PLXNA4: variants seen among roughly 807,000 people sequenced by gnomAD.
The protein encoded by PLXNA4 is plexin-A4.
In PLXNA4, 44 loss-of-function variants were observed where a neutral mutation model predicts 191.8. The observed-to-expected ratio is 0.23, with a 90% CI of 0.18 to 0.29. The LOEUF is 0.29. Among genes scored for constraint, PLXNA4 ranks in the 10% least tolerant of loss-of-function variants. The pLI is 1.00. For synonymous variants in PLXNA4, 1,082 were observed against 1,009.5 expected, an observed-to-expected ratio of 1.07 and a Z score of -1.36; for missense variants, 1,800 against 2,488.8, an observed-to-expected ratio of 0.72 and a Z score of 5.89.
intron 2 of PLXNA4, among the ~76,000 whole-genome samples, chr7:132,640,741 T>G (rs1803724810): frequency 6.6e-6 from 1 of 151,544 alleles, no homozygotes; most frequent in Admixed American, 6.6e-5. Flanking sequence ...AGGACACTAT[T>G]GACCTTGTGA....
intron 3 of PLXNA4, among the ~76,000 whole-genome samples, chr7:132,486,668 C>T (rs1329560396): frequency 6.6e-6 from 1 of 152,248 alleles, no homozygotes; most frequent in Non-Finnish European, 1.5e-5. Flanking sequence ...CCTCACCAGC[C>T]CCACCACTGC....
chr7:132,305,560 G>A (rs1198834507), intron 3 of PLXNA4, among the ~76,000 whole-genome samples: 12 of 152,190 alleles, frequency 7.9e-5, no homozygotes, highest in Admixed American at 7.9e-4. Flanking sequence ...GGCACGGTGA[G>A]TCTCCGCACT....
chr7:132,153,758 A>G (rs1795712535), intron 25 of PLXNA4, among the ~76,000 whole-genome samples: 1 of 152,196 alleles, frequency 6.6e-6, no homozygotes, highest in African/African-American at 2.4e-5. Flanking sequence ...AACTCTCCCC[A>G]GGGTGCACAG....
chr7:132,446,575 G>A (rs1346169), intron 3 of PLXNA4, among the ~76,000 whole-genome samples: 105,167 of 152,146 alleles, frequency 0.69, 42,235 homozygotes, highest in Non-Finnish European at 0.89. Flanking sequence ...CTGCCTCCTC[G>A]AAGAGAAGTG....
chr7:132,203,997 G>A (rs1225055480), intron 10 of PLXNA4, among the ~76,000 whole-genome samples: 4 of 152,164 alleles, frequency 2.6e-5, no homozygotes, highest in Non-Finnish European at 5.9e-5. Context: ...ATGAGAGGCT[G>A]GGGGTTAAGA....
chr7:132,299,106 A>G (rs901333711), intron 3 of PLXNA4, among the ~76,000 whole-genome samples: 64 of 152,218 alleles, frequency 4.2e-4, no homozygotes, highest in African/African-American at 1.5e-3. Context: ...TAGATCCAAC[A>G]TGACCGCTGC....
intron 31 of PLXNA4, 27 bp from the exon 32 acceptor site, chr7:132,130,601 T>G: frequency 1.9e-6 from 3 of 1,613,878 alleles, no homozygotes; most frequent in Non-Finnish European, 2.5e-6. Context: ...AACAGGGAGA[T>G]TACTCATTTG....
intron 3 of PLXNA4, among the ~76,000 whole-genome samples, chr7:132,453,227 G>A (rs561365967): frequency 2.6e-5 from 4 of 152,172 alleles, no homozygotes; most frequent in Non-Finnish European, 5.9e-5. Flanking sequence ...CAAGAAGAGA[G>A]AGAAGTCAGA....
intron 1 of PLXNA4, among the ~76,000 whole-genome samples, chr7:132,521,214 G>A (rs893352074): frequency 2.3e-4 from 34 of 149,028 alleles, no homozygotes; most frequent in Admixed American, 1.3e-3. Flanking sequence ...TCAGAATGAC[G>A]GCAACAAAGT....
At chr7:132,451,290 C>A (rs1796113545) in intron 3 of PLXNA4, among the ~76,000 whole-genome samples, 1 of 152,152 alleles carries the variant, frequency 6.6e-6, no homozygotes, top group South Asian at 2.1e-4. Flanking sequence ...CTGATGTCTG[C>A]ACCCTGGGCC....
intron 28 of PLXNA4, 49 bp downstream of exon 28, chr7:132,146,461 C>G (rs376496022): frequency 6.2e-7 from 1 of 1,613,850 alleles, no homozygotes; most frequent in African/African-American, 1.3e-5. Flanking sequence ...TGATGAAGTC[C>G]CTCTCCATAG....
chr7:132,147,747 T>C (rs947477003), intron 27 of PLXNA4, among the ~76,000 whole-genome samples, 153 bp downstream of exon 27: 1 of 152,178 alleles, frequency 6.6e-6, no homozygotes, highest in African/African-American at 2.4e-5. Flanking sequence ...ACCAGGGTCC[T>C]CTTCCCCCAC....
At chr7:132,464,992 G>A (rs1796644673) in intron 3 of PLXNA4, among the ~76,000 whole-genome samples, 1 of 152,212 alleles carries the variant, frequency 6.6e-6, no homozygotes. Flanking sequence ...TCTCTTCAAT[G>A]GCTGTCACTC....
intron 31 of PLXNA4, among the ~76,000 whole-genome samples, chr7:132,132,170 C>T (rs1328204210): frequency 6.6e-6 from 1 of 152,192 alleles, no homozygotes; most frequent in Non-Finnish European, 1.5e-5. Flanking sequence ...TCGTGTGTGC[C>T]CCTGCACATG....
intron 3 of PLXNA4, among the ~76,000 whole-genome samples, chr7:132,439,196 G>A (rs2117237189): frequency 6.6e-6 from 1 of 152,266 alleles, no homozygotes; most frequent in East Asian, 1.9e-4. Context: ...GCTGGCAGGT[G>A]CCGGAGCTTC....
chr7:132,538,256 G>A (rs1405092953), intron 1 of PLXNA4, among the ~76,000 whole-genome samples: 4 of 152,208 alleles, frequency 2.6e-5, no homozygotes, highest in Non-Finnish European at 5.9e-5. Context: ...GAGGAAAGGA[G>A]TCCTGGTGCT....
Position 132,123,560 on chromosome 7 carries a change from C to G in PLXNA4, c.*6919G>C, listed in dbSNP as rs1449465221. The G allele has an allele frequency of 1.3e-5, 2 of 151,888 alleles. No homozygotes were observed. The highest frequency in any genetic ancestry group is 1.3e-4 in the Admixed American group (2 of 15,240). 9.4% of individuals were successfully genotyped at this position (151,888 alleles called of 1,614,324 possible). The stretch of plus-strand genomic sequence containing the variant: ...TTTTTAATTTTTTTTTAATATTTTA[C>G]TAGGATACTCTTCTTTAAAAATCAA... On this transcript the variant is annotated 3_prime_UTR_variant, in exon 32 of 32. Transcript: ENST00000321063.
At chr7:132,589,930 G>A (rs1347539832) in intron 2 of PLXNA4, among the ~76,000 whole-genome samples, 1 of 152,204 alleles carries the variant, frequency 6.6e-6, no homozygotes, top group Non-Finnish European at 1.5e-5. Context: ...CAGTGCAAAG[G>A]CTGTGAGGTG....
At chr7:132,527,064 C>T (rs1364090370) in intron 1 of PLXNA4, among the ~76,000 whole-genome samples, 1 of 152,158 alleles carries the variant, frequency 6.6e-6, no homozygotes, top group East Asian at 1.9e-4. Flanking sequence ...AAATGTCCAG[C>T]CTTATGTTAG....
Sources: gnomAD v4.1 joint callset for allele counts (sites outside exome capture counted in the v4.1 genomes callset) on GRCh38, gnomAD v4.1.1 for gene constraint, MANE v1.5 for transcripts, NCBI Gene and HGNC (gene_info 2026-07-23, HGNC 2026-07-21) for gene names.